CDC42BPB: variants seen among roughly 807,000 people sequenced by gnomAD.
The protein encoded by CDC42BPB is serine/threonine-protein kinase MRCK beta.
A neutral mutation model predicts 214.9 loss-of-function variants in CDC42BPB; 37 were observed. The ratio of observed to expected loss-of-function variants is 0.17; its 90% confidence interval spans 0.13 to 0.23. The LOEUF is 0.23. Among genes scored for constraint, CDC42BPB ranks in the 10% least tolerant of loss-of-function variants. CDC42BPB has a pLI of 1.00. For synonymous variants in CDC42BPB, 931 were observed against 884.0 expected (o/e 1.05, Z -0.94); for missense variants, 1,694 against 2,227.0 (o/e 0.76, Z 4.82).
At chr14:102,964,917 CTTTTCTTTTCT>C in intron 18 of CDC42BPB, 2 of 357,396 alleles carry the variant, frequency 5.6e-6, no homozygotes, top group Non-Finnish European at 7.8e-6. Flanking sequence ...AATTTCTTTT[CTTTTCTTTTCT>C]TTTTTTTTTT....
chr14:102,947,578 A>C, intron 27 of CDC42BPB, 143 bp downstream of exon 27: 1 of 746,066 alleles, frequency 1.3e-6, no homozygotes, highest in Non-Finnish European at 2.3e-6. Flanking sequence ...GACGGGACGC[A>C]CAAGGACCTG....
At position 102,932,739 on chromosome 14, in the gene CDC42BPB, C is replaced by T. The variant is rs192976483; in HGVS notation, c.*973G>A. 2 of 152,680 alleles carry T rather than the reference C, an allele frequency of 1.3e-5. No individual in the cohort carries two copies. The highest frequency in any genetic ancestry group is 2.9e-5 in the Non-Finnish European group (2 of 68,094). The allele number at this position is 152,680 out of a possible 1,614,324, so 9.5% of individuals were successfully genotyped here. On this transcript the variant is annotated 3_prime_UTR_variant, in exon 37 of 37. Transcript: ENST00000361246. Reference sequence around the variant, plus strand: ...AGAGCTGGTCACTCAACATCTGGTACAAAGGGTGAGGTGAAATCCACGCGC... The same window carrying T: ...AGAGCTGGTCACTCAACATCTGGTATAAAGGGTGAGGTGAAATCCACGCGC...
At chr14:103,033,009 T>C (rs1348018803) in intron 1 of CDC42BPB, among the ~76,000 whole-genome samples, 1 of 152,042 alleles carries the variant, frequency 6.6e-6, no homozygotes, top group Non-Finnish European at 1.5e-5. Context: ...TTTAATGTCA[T>C]ATTATTATGG....
chr14:102,984,942 G>T (rs1894168284), intron 6 of CDC42BPB, among the ~76,000 whole-genome samples: 1 of 152,270 alleles, frequency 6.6e-6, no homozygotes, highest in South Asian at 2.1e-4. Context: ...GGACCACTGG[G>T]GTGTTGGGCG....
At chr14:103,046,520 T>TAGGA (rs1263005626) in intron 1 of CDC42BPB, among the ~76,000 whole-genome samples, 1 of 152,000 alleles carries the variant, frequency 6.6e-6, no homozygotes, top group African/African-American at 2.4e-5. Flanking sequence ...ACAGACAAGG[T>TAGGA]AGGAGGCAAA....
intron 1 of CDC42BPB, among the ~76,000 whole-genome samples, chr14:103,014,568 A>G (rs952435094): frequency 1.3e-5 from 2 of 152,088 alleles, no homozygotes; most frequent in African/African-American, 4.8e-5. Context: ...TGGGCTTCTG[A>G]CTGAGTTCCA....
chr14:103,057,477 C>CCCG lies in CDC42BPB; in HGVS notation c.-307_-305dup, dbSNP rs532083420. The CCCG allele has an allele frequency of 5.4e-3, 1,135 of 211,980 alleles. 5 individuals carry two copies. Among genetic ancestry groups the CCCG allele is most frequent in the East Asian group, 0.012 (66 of 5,398 alleles). The allele number at this position is 211,980 out of a possible 1,614,324, so 13.1% of individuals were successfully genotyped here. ...CAGCCCCGCCCGCGGCCGCGCCCTC[C>CCCG]CCGCCGCCGCCGCCGCAGACTAGGA... On this transcript the variant is annotated 5_prime_UTR_variant, in exon 1 of 37. Transcript: ENST00000361246.
At chr14:102,984,681 G>A (rs1482094497) in intron 6 of CDC42BPB, among the ~76,000 whole-genome samples, 2 of 152,014 alleles carry the variant, frequency 1.3e-5, no homozygotes, top group Non-Finnish European at 2.9e-5. Context: ...AGAGTATAGG[G>A]CCATCCTGAC....
In CDC42BPB at chr14:103,004,252, C is replaced by T; in HGVS notation, c.352-229G>A. ...GGGCTGCTGAGGAGGCACTTGCACC[C>T]TGCTGTCCCACGGGCACCATTTCTG... On this transcript the variant is annotated intron_variant, in intron 3 of 36. Transcript: ENST00000361246. The surrounding 1 kb of genome is among the most constrained non-coding windows in gnomAD (Gnocchi z 5.3). 8.8e-7 allele frequency: 1 copy of T among 1,140,446 alleles called. No homozygotes were observed. 70.6% of individuals were successfully genotyped at this position (1,140,446 alleles called of 1,614,324 possible). A position where few individuals can be genotyped will look rare whatever the true frequency, so the allele number is the denominator to read the frequency against.
rs771717134 is a variant in CDC42BPB, at chr14:102,939,957, CAG to C, written c.4592-12_4592-11del. 2 of 1,613,904 alleles carry C rather than the reference CAG, an allele frequency of 1.2e-6. No homozygotes were observed. Among genetic ancestry groups the C allele is most frequent in the Admixed American group, 3.3e-5 (2 of 60,024 alleles). ...ACGTTGAGAACCGCTCCTGCAGAAG[CAG>C]AGCGCGCGGTGACGGTGCTGCGGCA... On this transcript the variant is annotated splice_polypyrimidine_tract_variant and intron_variant, in intron 32 of 36. Transcript: ENST00000361246.
At chr14:102,963,786 C>A (rs1893063011) in intron 19 of CDC42BPB, among the ~76,000 whole-genome samples, 1 of 152,192 alleles carries the variant, frequency 6.6e-6, no homozygotes, top group South Asian at 2.1e-4. Flanking sequence ...ACAGCAATTC[C>A]CAGTATAAAG....
intron 1 of CDC42BPB, chr14:103,042,004 C>T (rs1888026827): frequency 3.2e-6 from 1 of 314,116 alleles, no homozygotes; most frequent in African/African-American, 2.2e-5. Context: ...CTTCGCTAGT[C>T]TCCACATGGT....
At chr14:103,011,348 A>G (rs1165076112) in intron 2 of CDC42BPB, among the ~76,000 whole-genome samples, 1 of 152,274 alleles carries the variant, frequency 6.6e-6, no homozygotes, top group Non-Finnish European at 1.5e-5. Context: ...AAGCAAGTAC[A>G]GAGCATGAAA....
At chr14:102,986,464 A>G (rs2139540092) in intron 6 of CDC42BPB, 23 bp downstream of exon 6, 1 of 1,590,900 alleles carries the variant, frequency 6.3e-7, no homozygotes, top group Non-Finnish European at 8.6e-7. Flanking sequence ...ACCAAATGGA[A>G]AATCTCCAAC....
chr14:102,933,502 A>T lies in CDC42BPB; in HGVS notation c.*210T>A. 2.2e-6 allele frequency: 1 copy of T among 448,832 alleles called. No homozygotes were observed. Among genetic ancestry groups the T allele is most frequent in the Non-Finnish European group, 3.8e-6 (1 of 262,478 alleles). 27.8% of individuals were successfully genotyped at this position (448,832 alleles called of 1,614,324 possible). A position where few individuals can be genotyped will look rare whatever the true frequency, so the allele number is the denominator to read the frequency against. ...TGTGCAGATGGAACAGCATCGCCTC[A>T]CAGCTGTGCAGACGAACAGATGTGG... On this transcript the variant is annotated 3_prime_UTR_variant, in exon 37 of 37. Coordinates refer to ENST00000361246, the MANE Select transcript of CDC42BPB (RefSeq NM_006035.4).
At chr14:103,019,635 G>A (rs758223080) in intron 1 of CDC42BPB, among the ~76,000 whole-genome samples, 5 of 152,198 alleles carry the variant, frequency 3.3e-5, no homozygotes, top group South Asian at 4.1e-4. Flanking sequence ...CAGGGGGTTC[G>A]CACCCCTCCT....
At position 103,003,920 on chromosome 14, in the gene CDC42BPB, C is replaced by T. The variant is rs770093847; in HGVS notation, c.447+8G>A. 6 of 1,601,092 alleles carry T rather than the reference C, an allele frequency of 3.7e-6. No individual in the cohort carries two copies. The Admixed American group carries it at 6.7e-5, about 18-fold the overall frequency. On this transcript the variant is annotated splice_region_variant and intron_variant, in intron 4 of 36. Coordinates refer to ENST00000361246, the MANE Select transcript of CDC42BPB (RefSeq NM_006035.4). ...TGCCCTGACCGAGTCTCTGGCTGTG[C>T]GACCTACCAGGTGGTTCTCGTCCTG...
chr14:102,937,995 G>A, intron 36 of CDC42BPB, 109 bp downstream of exon 36: 1 of 1,145,962 alleles, frequency 8.7e-7, no homozygotes. Context: ...ACCGCAAGTG[G>A]GGTGCTCCAA....
chr14:102,959,611 A>G lies in CDC42BPB; in HGVS notation c.2901+20T>C. On this transcript the variant is annotated intron_variant, in intron 21 of 36. Transcript: ENST00000361246. ...TTATCATAAACTCATCTGTCACTTA[A>G]AAAAAAAACAATGACTTACTCTAAA... The G allele has an allele frequency of 1.3e-6, 2 of 1,552,830 alleles. No homozygotes were observed. Among genetic ancestry groups the G allele is most frequent in the South Asian group, 1.2e-5 (1 of 85,208 alleles).
Sources: gnomAD v4.1 joint callset for allele counts (sites outside exome capture counted in the v4.1 genomes callset) on GRCh38, gnomAD v4.1.1 for gene constraint, Gnocchi (gnomAD v3.1) non-coding constraint, MANE v1.5 for transcripts, NCBI Gene and HGNC (gene_info 2026-07-23, HGNC 2026-07-21) for gene names.